The following RNF180 variants were observed in gnomAD, a reference collection of about 807,000 sequenced individuals.
RNF180 encodes E3 ubiquitin-protein ligase RNF180.
A neutral mutation model predicts 59.2 loss-of-function variants in RNF180; 38 were observed. The observed-to-expected ratio is 0.64, with a 90% confidence interval of 0.50 to 0.84. The LOEUF is 0.84. Among genes scored for constraint, RNF180 ranks in the 40% least tolerant of loss-of-function variants. The pLI is 0.00. For missense variants in RNF180, 705 were observed against 700.9 expected, an observed-to-expected ratio of 1.01 and a Z score of -0.07; for synonymous variants, 262 against 240.3, an observed-to-expected ratio of 1.09 and a Z score of -0.84.
intron 5 of RNF180, among the ~76,000 whole-genome samples, chr5:64,229,334 C>T (rs919895887): frequency 4.6e-5 from 7 of 152,066 alleles, no homozygotes; most frequent in African/African-American, 4.8e-5. Context: ...GGTTTATTAA[C>T]GGTGAAATGG....
intron 2 of RNF180, among the ~76,000 whole-genome samples, chr5:64,211,210 C>CTTT (rs2112104562): frequency 6.6e-6 from 1 of 152,154 alleles, no homozygotes; most frequent in South Asian, 2.1e-4. Context: ...AAAGGGAAAA[C>CTTT]TTTGAGTTTC....
At chr5:64,337,003 TG>T (rs1353506251) in intron 7 of RNF180, among the ~76,000 whole-genome samples, 2 of 151,034 alleles carry the variant, frequency 1.3e-5, no homozygotes, top group Non-Finnish European at 3.0e-5. Context: ...TTTTTGTTGT[TG>T]TTTTTTTTTT....
chr5:64,358,144 C>T (rs1196754329), intron 7 of RNF180, among the ~76,000 whole-genome samples: 1 of 151,810 alleles, frequency 6.6e-6, no homozygotes, highest in Non-Finnish European at 1.5e-5. Flanking sequence ...GCTGGGTGCT[C>T]CACCCAACAT....
chr5:64,362,533 G>C (rs995192585), intron 7 of RNF180, among the ~76,000 whole-genome samples: 1 of 151,832 alleles, frequency 6.6e-6, no homozygotes, highest in Admixed American at 6.6e-5. Context: ...ATTGTGAATA[G>C]TGCTGCAAAG....
chr5:64,280,362 G>C (rs895616179), intron 5 of RNF180, among the ~76,000 whole-genome samples: 1 of 151,954 alleles, frequency 6.6e-6, no homozygotes, highest in Non-Finnish European at 1.5e-5. Context: ...CTGTTGCTTT[G>C]TCTTTGTAAT....
chr5:64,253,242 CTA>C (rs1743701019), intron 5 of RNF180, among the ~76,000 whole-genome samples: 1 of 152,106 alleles, frequency 6.6e-6, no homozygotes, highest in African/African-American at 2.4e-5. Context: ...AACCTTCATT[CTA>C]TGAGTTTTTC....
intron 5 of RNF180, among the ~76,000 whole-genome samples, chr5:64,283,537 A>G (rs1023376516): frequency 2.6e-5 from 4 of 152,126 alleles, no homozygotes; most frequent in Admixed American, 2.6e-4. Flanking sequence ...TAATCTGCAC[A>G]TGTCAAGGGC....
intron 5 of RNF180, among the ~76,000 whole-genome samples, chr5:64,256,773 A>C (rs1743994309): frequency 6.6e-6 from 1 of 152,166 alleles, no homozygotes; most frequent in Non-Finnish European, 1.5e-5. Context: ...ATGACATTGA[A>C]TCTATAAATT....
At chr5:64,297,942 G>A (rs1742969740) in intron 5 of RNF180, among the ~76,000 whole-genome samples, 1 of 151,954 alleles carries the variant, frequency 6.6e-6, no homozygotes. Context: ...TGCAGGATGT[G>A]CAGGTTTGTT....
intron 5 of RNF180, among the ~76,000 whole-genome samples, chr5:64,278,908 C>G (rs891622441): frequency 6.6e-6 from 1 of 152,260 alleles, no homozygotes; most frequent in Middle Eastern, 3.4e-3. Flanking sequence ...GTGTGAGCTG[C>G]TGTGCCTGGT....
At chr5:64,259,569 C>A (rs1384333222) in intron 5 of RNF180, among the ~76,000 whole-genome samples, 2 of 152,088 alleles carry the variant, frequency 1.3e-5, no homozygotes, top group Admixed American at 1.3e-4. Context: ...ACAGACATAA[C>A]TTGTTTTTTC....
chr5:64,206,199 A>G (rs1320325946), intron 2 of RNF180, among the ~76,000 whole-genome samples: 1 of 152,222 alleles, frequency 6.6e-6, no homozygotes, highest in East Asian at 1.9e-4. Context: ...ATCGTTGGTC[A>G]ACATTCATTG....
At chr5:64,339,935 T>A (rs1001910241) in intron 7 of RNF180, among the ~76,000 whole-genome samples, 1 of 152,174 alleles carries the variant, frequency 6.6e-6, no homozygotes, top group Non-Finnish European at 1.5e-5. Flanking sequence ...ATGGAAATAA[T>A]CTAGATAAAT....
chr5:64,364,176 G>T (rs764253601), intron 7 of RNF180, among the ~76,000 whole-genome samples: 53 of 151,768 alleles, frequency 3.5e-4, no homozygotes, highest in Non-Finnish European at 6.0e-4. Flanking sequence ...CAAGGGGAAT[G>T]CTTCCAGCTT....
intron 7 of RNF180, among the ~76,000 whole-genome samples, chr5:64,336,702 C>A (rs569296117): frequency 6.6e-6 from 1 of 152,082 alleles, no homozygotes; most frequent in African/African-American, 2.4e-5. Context: ...AAATATTAGC[C>A]TTTCAGATGC....
intron 5 of RNF180, among the ~76,000 whole-genome samples, chr5:64,273,361 C>G (rs1423229457): frequency 6.6e-6 from 1 of 151,904 alleles, no homozygotes; most frequent in Non-Finnish European, 1.5e-5. Flanking sequence ...ACTGCTCTGC[C>G]TGTGAAATAG....
intron 5 of RNF180, among the ~76,000 whole-genome samples, chr5:64,317,332 G>A (rs1744095005): frequency 6.6e-6 from 1 of 152,014 alleles, no homozygotes. Context: ...ATAGTATTAT[G>A]TGTAAAAAAT....
chr5:64,341,282 A>G (rs1308992210), intron 7 of RNF180, among the ~76,000 whole-genome samples: 1 of 152,128 alleles, frequency 6.6e-6, no homozygotes, highest in Non-Finnish European at 1.5e-5. Context: ...TTACCTAACT[A>G]CCCTAAGGAA....
chr5:64,324,955 T>C (rs1744560582), intron 5 of RNF180, among the ~76,000 whole-genome samples: 1 of 152,178 alleles, frequency 6.6e-6, no homozygotes, highest in Non-Finnish European at 1.5e-5. Context: ...GGTTTAGGTA[T>C]ATTTTAGCAC....
Sources: gnomAD v4.1 joint callset for allele counts (sites outside exome capture counted in the v4.1 genomes callset) on GRCh38, gnomAD v4.1.1 for gene constraint, MANE v1.5 for transcripts, NCBI Gene and HGNC (gene_info 2026-07-23, HGNC 2026-07-21) for gene names.